Variants in OR2L13 observed in about 807,000 individuals in gnomAD.
OR2L13 encodes the protein olfactory receptor 2L13.
In OR2L13, 14 loss-of-function variants were observed where a neutral mutation model predicts 15.3. The observed-to-expected ratio is 0.91, with a 90% CI of 0.60 to 1.43. The LOEUF (loss-of-function observed/expected upper bound fraction) is 1.43. OR2L13 is among the 40% of genes most tolerant of loss of function. OR2L13 has a pLI of 0.00. For synonymous variants in OR2L13, 152 were observed against 142.9 expected (o/e 1.06, Z -0.45); for missense variants, 367 against 387.9 (o/e 0.95, Z 0.45).
the OR2L13 span, chr1:248,041,395 C>G: frequency 1.3e-5 from 2 of 152,086 alleles, no homozygotes; most frequent in Non-Finnish European, 2.9e-5. Flanking sequence ...AGACCTAAAA[C>G]CATAAAAACC....
At chr1:248,088,684 T>A in the OR2L13 span, among the ~76,000 whole-genome samples, 1 of 152,144 alleles carries the variant, frequency 6.6e-6, no homozygotes, top group South Asian at 2.1e-4. Context: ...GGGTAGCCTG[T>A]TCTTTCGGTG....
the OR2L13 span, among the ~76,000 whole-genome samples, chr1:248,088,978 C>G: frequency 2.0e-5 from 3 of 152,088 alleles, no homozygotes; most frequent in Non-Finnish European, 1.5e-5. Context: ...TCAATTTAAT[C>G]CTGACACTGA....
chr1:248,079,602 A>G, the OR2L13 span, among the ~76,000 whole-genome samples: 1 of 152,180 alleles, frequency 6.6e-6, no homozygotes, highest in Admixed American at 6.6e-5. Flanking sequence ...TCTGTTCGGT[A>G]ATAGAAATAT....
the OR2L13 span, among the ~76,000 whole-genome samples, chr1:247,939,853 A>G: frequency 6.6e-6 from 1 of 152,116 alleles, no homozygotes; most frequent in Non-Finnish European, 1.5e-5. Flanking sequence ...CACTCAACAC[A>G]CTCTAGAAAG....
At chr1:248,046,486 G>C in the OR2L13 span, among the ~76,000 whole-genome samples, 1 of 152,088 alleles carries the variant, frequency 6.6e-6, no homozygotes, top group African/African-American at 2.4e-5. Context: ...CAATAACATT[G>C]ACATAATGTG....
At chr1:247,953,256 G>A in the OR2L13 span, among the ~76,000 whole-genome samples, 3 of 152,094 alleles carry the variant, frequency 2.0e-5, no homozygotes, top group Non-Finnish European at 4.4e-5. Flanking sequence ...CCTCGTTTTA[G>A]CCATTGTTCT....
At chr1:247,973,833 G>A in the OR2L13 span, among the ~76,000 whole-genome samples, 1 of 152,184 alleles carries the variant, frequency 6.6e-6, no homozygotes, top group Non-Finnish European at 1.5e-5. Flanking sequence ...ACTAATGGGA[G>A]TGTAAATTAG....
chr1:248,088,944 C>T, the OR2L13 span, among the ~76,000 whole-genome samples: 1 of 152,090 alleles, frequency 6.6e-6, no homozygotes, highest in African/African-American at 2.4e-5. Context: ...CTCCAACTCT[C>T]ACACCAACTA....
the OR2L13 span, among the ~76,000 whole-genome samples, chr1:247,996,758 T>G: frequency 6.6e-6 from 1 of 152,098 alleles, no homozygotes; most frequent in Non-Finnish European, 1.5e-5. Context: ...CACAAATAGG[T>G]TTTGTCATCT....
At chr1:247,965,940 G>T in the OR2L13 span, 1 of 1,609,290 alleles carries the variant, frequency 6.2e-7, no homozygotes, top group Non-Finnish European at 8.5e-7. Context: ...TATCATTGGT[G>T]TGTCAGGACA....
chr1:248,024,158 C>G, the OR2L13 span: 2 of 152,176 alleles, frequency 1.3e-5, no homozygotes, highest in East Asian at 3.9e-4. Context: ...AACCCGTCAT[C>G]TAAGTTTTAA....
At chr1:248,003,875 T>C in the OR2L13 span, 1 of 1,612,430 alleles carries the variant, frequency 6.2e-7, no homozygotes. Flanking sequence ...TGTAGTAACT[T>C]TCTACTATAC....
the OR2L13 span, chr1:248,003,917 T>A: frequency 1.2e-6 from 2 of 1,612,954 alleles, no homozygotes; most frequent in Non-Finnish European, 8.5e-7. Flanking sequence ...ACGTCCAAGA[T>A]CCCTGTAATC....
At chr1:248,017,695 C>G in the OR2L13 span, among the ~76,000 whole-genome samples, 3 of 152,040 alleles carry the variant, frequency 2.0e-5, no homozygotes, top group African/African-American at 7.2e-5. Flanking sequence ...GTCTTTTCTA[C>G]CCGGTGGTCT....
chr1:247,958,591 G>T, the OR2L13 span, among the ~76,000 whole-genome samples: 2 of 152,128 alleles, frequency 1.3e-5, no homozygotes, highest in South Asian at 4.1e-4. Flanking sequence ...CTCTTTGTAG[G>T]TCTCTACGGA....
At chr1:248,044,526 G>GAA in the OR2L13 span, among the ~76,000 whole-genome samples, 2 of 128,462 alleles carry the variant, frequency 1.6e-5, no homozygotes, top group African/African-American at 4.7e-5. Context: ...TTCCCCGGCC[G>GAA]GGCGCGGTGG....
chr1:248,025,060 A>G, the OR2L13 span, among the ~76,000 whole-genome samples: 1 of 151,928 alleles, frequency 6.6e-6, no homozygotes, highest in South Asian at 2.1e-4. Flanking sequence ...TGTCTAAAAC[A>G]CCAAAAGCAA....
At chr1:248,012,234 TG>T in the OR2L13 span, among the ~76,000 whole-genome samples, 1 of 152,114 alleles carries the variant, frequency 6.6e-6, no homozygotes, top group Non-Finnish European at 1.5e-5. Flanking sequence ...CTGGATTTGT[TG>T]GGTAGGAGAT....
chr1:248,015,367 G>A, the OR2L13 span, among the ~76,000 whole-genome samples: 861 of 152,130 alleles, frequency 5.7e-3, 13 homozygotes, highest in Middle Eastern at 0.024. Flanking sequence ...CCTATACTCC[G>A]GAGGACACTC....
Sources: allele counts gnomAD v4.1 joint callset (sites outside exome capture counted in the v4.1 genomes callset), GRCh38; gene constraint gnomAD v4.1.1; transcripts MANE v1.5; gene names NCBI Gene and HGNC (gene_info 2026-07-23, HGNC 2026-07-21).